The following KLHL29 variants were observed in gnomAD, a reference collection of about 807,000 sequenced individuals.
KLHL29 encodes kelch like family member 29.
In KLHL29, 21 loss-of-function variants were observed where a neutral mutation model predicts 80.4. The ratio of observed to expected loss-of-function variants is 0.26; its 90% confidence interval spans 0.19 to 0.38. The LOEUF (loss-of-function observed/expected upper bound fraction) is 0.38. KLHL29 is among the 10% of genes least tolerant of loss of function. KLHL29 has a pLI of 1.00. For synonymous variants in KLHL29, 511 were observed against 526.8 expected (o/e 0.97, Z 0.41); for missense variants, 867 against 1,223.9 (o/e 0.71, Z 4.35).
chr2:23,470,396 C>T (rs1664466179), intron 1 of KLHL29, among the ~76,000 whole-genome samples: 1 of 152,204 alleles, frequency 6.6e-6, no homozygotes, highest in South Asian at 2.1e-4. Flanking sequence ...GAATGGGAGG[C>T]ACAAAATCCA....
Position 23,691,564 on chromosome 2 carries a change from G to A in KLHL29, c.1080-110G>A. On this transcript the variant is annotated intron_variant, in intron 6 of 13. Transcript: ENST00000486442. ...GGTGTGTCATTGCCGTGTCCTTTGA[G>A]CCCTAAAACCAAGGGCATGACCAAG... is the stretch of plus-strand genomic sequence containing the variant. The A allele has an allele frequency of 8.4e-6, 7 of 833,502 alleles. No homozygotes were observed. In the Admixed American group the frequency reaches 1.3e-4, roughly 15 times the overall value. The allele number at this position is 833,502 out of a possible 1,614,324, so 51.6% of individuals were successfully genotyped here.
chr2:23,444,713 T>C lies in KLHL29; in HGVS notation c.-153-30847T>C, dbSNP rs182883107. The stretch of plus-strand genomic sequence containing the variant: ...TTCACATAAAATAGTCTTAAACTTA[T>C]AACACCAATATTATTACTAACAATA... On this transcript the variant is annotated intron_variant, in intron 1 of 13. Coordinates refer to ENST00000486442, the MANE Select transcript of KLHL29 (RefSeq NM_052920.2). Among the ~76,000 whole-genome samples, 337 of 152,356 alleles carry C rather than the reference T, an allele frequency of 2.2e-3. 5 individuals carry two copies. Among genetic ancestry groups the C allele is most frequent in the Non-Finnish European group, 2.8e-3 (188 of 68,036 alleles).
Position 23,503,226 on chromosome 2 carries a change from G to T in KLHL29, c.-46+27559G>T, listed in dbSNP as rs1476811170. On this transcript the variant is annotated intron_variant, in intron 2 of 13. Transcript: ENST00000486442. The surrounding 1 kb of genome is among the most constrained non-coding windows in gnomAD (Gnocchi z 4.0). ...TGTGAAGTAGACCTGGCAGGGGATG[G>T]CTGCTCCGGGCTGGCCTGGGCCTCG... Among the ~76,000 whole-genome samples the T allele has an allele frequency of 1.3e-5, 2 of 152,176 alleles. No homozygotes were observed. Among genetic ancestry groups the T allele is most frequent in the Non-Finnish European group, 2.9e-5 (2 of 68,044 alleles).
At chr2:23,389,872 G>T (rs1216408652) in intron 1 of KLHL29, among the ~76,000 whole-genome samples, 1 of 152,130 alleles carries the variant, frequency 6.6e-6, no homozygotes, top group African/African-American at 2.4e-5. Flanking sequence ...TGGGGTCATC[G>T]CCTGATGTGC....
chr2:23,694,992 G>A (rs777212965), intron 8 of KLHL29, among the ~76,000 whole-genome samples: 4 of 152,166 alleles, frequency 2.6e-5, no homozygotes, highest in Admixed American at 6.5e-5. Context: ...TGGTGGTCTC[G>A]TTACTCATGG....
chr2:23,441,085 T>A (rs1663503715), intron 1 of KLHL29, among the ~76,000 whole-genome samples: 1 of 152,080 alleles, frequency 6.6e-6, no homozygotes, highest in Non-Finnish European at 1.5e-5. Flanking sequence ...AACCCACATG[T>A]CCAACAATGA....
chr2:23,619,659 G>T (rs1490210849), intron 3 of KLHL29, among the ~76,000 whole-genome samples: 1 of 152,136 alleles, frequency 6.6e-6, no homozygotes, highest in Non-Finnish European at 1.5e-5. Context: ...CTGGTGTCAG[G>T]ACTCCCCTAT....
At chr2:23,580,710 G>T (rs1667960476) in intron 3 of KLHL29, among the ~76,000 whole-genome samples, 1 of 76,972 alleles carries the variant, frequency 1.3e-5, no homozygotes, top group Admixed American at 1.2e-4. Flanking sequence ...CAGGCGCGGT[G>T]GCTCACACCT....
At chr2:23,450,400 A>G (rs1038083350) in intron 1 of KLHL29, among the ~76,000 whole-genome samples, 1 of 152,008 alleles carries the variant, frequency 6.6e-6, no homozygotes, top group Non-Finnish European at 1.5e-5. Flanking sequence ...TAATAACCTT[A>G]TAGGGCTCTC....
intron 2 of KLHL29, among the ~76,000 whole-genome samples, chr2:23,520,993 C>CGG (rs1553334446): frequency 9.6e-6 from 1 of 103,688 alleles, no homozygotes; most frequent in African/African-American, 5.1e-5. Context: ...ACAAAGACCA[C>CGG]CCCCCCCCCC....
intron 5 of KLHL29, chr2:23,668,653 C>T (rs1232457506): frequency 6.6e-6 from 1 of 152,184 alleles, no homozygotes; most frequent in Non-Finnish European, 1.5e-5. Context: ...CCACTCCTCT[C>T]CTGGATCCAC....
chr2:23,646,222 A>G (rs926893208), intron 5 of KLHL29, among the ~76,000 whole-genome samples: 2 of 152,182 alleles, frequency 1.3e-5, no homozygotes, highest in Non-Finnish European at 2.9e-5. Context: ...AGGTGTGGCC[A>G]AGCTCAGGCC....
chr2:23,385,359 C>T lies in KLHL29; in HGVS notation c.-575C>T, dbSNP rs1393083434. 6.8e-6 allele frequency: 1 copy of T among 146,938 alleles called. No individual in the cohort carries two copies. Among genetic ancestry groups the T allele is most frequent in the East Asian group, 2.0e-4 (1 of 5,010 alleles). 9.1% of individuals were successfully genotyped at this position (146,938 alleles called of 1,614,324 possible). On this transcript the variant is annotated 5_prime_UTR_variant, in exon 1 of 14. Coordinates refer to ENST00000486442, the MANE Select transcript of KLHL29 (RefSeq NM_052920.2). ...CGGTCGCCGCGCTTGAGCGCAGCCC[C>T]CGCCCGGAGCCCGAGCCGCGAGCCC...
At chr2:23,500,094 A>C (rs548124456) in intron 2 of KLHL29, among the ~76,000 whole-genome samples, 2 of 152,332 alleles carry the variant, frequency 1.3e-5, no homozygotes, top group South Asian at 2.1e-4. Flanking sequence ...GAATGAAAAC[A>C]TCTCTGCTCT....
rs897156513 is a variant in KLHL29 at position 23,684,201 on chromosome 2, C to T, written c.941-198C>T. ...AGTTGTGATTCCTTTGGTTATTAGC[C>T]CCTCCCAGTGGCTGCTTGTTTATGC... On this transcript the variant is annotated intron_variant, in intron 5 of 13. Transcript: ENST00000486442. This position sits in a 1 kb window ranked among gnomAD's most constrained non-coding sequence, Gnocchi z 4.4. Among the ~76,000 whole-genome samples the T allele has an allele frequency of 1.3e-5, 2 of 151,880 alleles. No individual in the cohort carries two copies. Among genetic ancestry groups the T allele is most frequent in the South Asian group, 2.1e-4 (1 of 4,806 alleles).
intron 2 of KLHL29, among the ~76,000 whole-genome samples, chr2:23,558,157 GT>G (rs1667346525): frequency 6.6e-6 from 1 of 151,984 alleles, no homozygotes. Context: ...AGCTGGGAGA[GT>G]TCCTCCTTGT....
At chr2:23,394,828 G>C (rs1334637182) in intron 1 of KLHL29, among the ~76,000 whole-genome samples, 1 of 152,206 alleles carries the variant, frequency 6.6e-6, no homozygotes, top group African/African-American at 2.4e-5. Flanking sequence ...ATTCAATTCT[G>C]AATTTGCCTG....
intron 2 of KLHL29, among the ~76,000 whole-genome samples, chr2:23,482,915 G>T (rs1664839622): frequency 6.6e-6 from 1 of 152,106 alleles, no homozygotes; most frequent in Non-Finnish European, 1.5e-5. Context: ...CTAGGTCTGG[G>T]ATCCAGAGAG....
chr2:23,696,107 G>C lies in KLHL29; in HGVS notation c.1898G>C (p.Ser633Thr). 1 of 1,551,798 alleles carries C rather than the reference G, an allele frequency of 6.4e-7. No individual in the cohort carries two copies. The highest frequency in any genetic ancestry group is 8.7e-7 in the Non-Finnish European group (1 of 1,146,982). Residue 633 changes from serine (S) to threonine (T), a missense_variant, in exon 10 of 14, where the codon AGT becomes ACT. Ser to Thr is a moderately conservative substitution (Grantham distance 58). Coordinates refer to ENST00000486442, the MANE Select transcript of KLHL29 (RefSeq NM_052920.2). The surrounding 1 kb of genome is among the most constrained non-coding windows in gnomAD (Gnocchi z 5.5). ...GACCGCGAGTTCTTCAGTGTAGTGA[G>C]TGCAGGGGACAACATCTACCTCTCA... ...FYDREFFSVV[S>T]AGDNIYLSGG... is the part of the protein sequence containing the mutation.
Sources: allele counts gnomAD v4.1 joint callset (sites outside exome capture counted in the v4.1 genomes callset), GRCh38; gene constraint gnomAD v4.1.1; non-coding constraint Gnocchi (gnomAD v3.1); transcripts MANE v1.5; gene names NCBI Gene and HGNC (gene_info 2026-07-23, HGNC 2026-07-21).